CDH18: variants seen among roughly 807,000 people sequenced by gnomAD.
The protein encoded by CDH18 is cadherin-18.
A neutral mutation model predicts 67.9 loss-of-function variants in CDH18; 31 were observed. The observed-to-expected ratio is 0.46, with a 90% confidence interval of 0.34 to 0.62. The LOEUF is 0.62. CDH18 is among the 20% of genes least tolerant of loss of function. CDH18 has a pLI of 0.01. For missense variants in CDH18, 890 were observed against 975.5 expected (o/e 0.91, Z 1.17); for synonymous variants, 362 against 347.2 (o/e 1.04, Z -0.48).
intron 2 of CDH18, among the ~76,000 whole-genome samples, chr5:20,253,540 A>T (rs1037809043): frequency 6.6e-6 from 1 of 152,210 alleles, no homozygotes; most frequent in Admixed American, 6.5e-5. Context: ...GAGCTGAATG[A>T]TGTAATAACC....
Position 19,473,135 on chromosome 5 carries a change from T to C in CDH18, c.*91A>G. The C allele has an allele frequency of 6.7e-7, 1 of 1,500,020 alleles. No individual in the cohort carries two copies. The highest frequency in any genetic ancestry group is 1.3e-5 in the South Asian group (1 of 76,738). The allele number at this position is 1,500,020 out of a possible 1,614,324, so 92.9% of individuals were successfully genotyped here. A position where few individuals can be genotyped will look rare whatever the true frequency, so the allele number is the denominator to read the frequency against. On this transcript the variant is annotated 3_prime_UTR_variant, in exon 13 of 13. Transcript: ENST00000382275. ...TGTGTCCAGCTTCCTCAGTTCCAAG[T>C]ACTGTTTCCACACTTCTTCCTTGTC...
At chr5:20,303,581 T>G (rs986164629) in intron 1 of CDH18, among the ~76,000 whole-genome samples, 1 of 152,062 alleles carries the variant, frequency 6.6e-6, no homozygotes, top group Admixed American at 6.6e-5. Context: ...CCGGTTCATT[T>G]GGTAACAACA....
chr5:19,912,593 G>A (rs542443291), intron 2 of CDH18, among the ~76,000 whole-genome samples: 11 of 152,232 alleles, frequency 7.2e-5, no homozygotes, highest in South Asian at 6.2e-4. Flanking sequence ...TGAAGAAGAA[G>A]AGTTTATTTA....
intron 5 of CDH18, among the ~76,000 whole-genome samples, chr5:19,665,950 A>G (rs143166278): frequency 7.1e-4 from 108 of 152,236 alleles, no homozygotes; most frequent in African/African-American, 2.4e-3. Context: ...ATGCAGGAAG[A>G]GAAAAAGACT....
intron 3 of CDH18, among the ~76,000 whole-genome samples, chr5:19,798,219 T>A (rs975194318): frequency 2.0e-5 from 3 of 152,034 alleles, no homozygotes; most frequent in Non-Finnish European, 4.4e-5. Flanking sequence ...TGGGGGAATC[T>A]GAATAAGGTT....
chr5:20,514,787 A>C (rs1055031465), intron 1 of CDH18, among the ~76,000 whole-genome samples: 1 of 152,156 alleles, frequency 6.6e-6, no homozygotes, highest in African/African-American at 2.4e-5. Context: ...ATGTAAAAGG[A>C]AGAAAATGTC....
intron 2 of CDH18, among the ~76,000 whole-genome samples, chr5:20,121,571 A>G (rs1748356363): frequency 6.6e-6 from 1 of 152,184 alleles, no homozygotes; most frequent in Non-Finnish European, 1.5e-5. Context: ...GCAAGACACA[A>G]CCAGATGGAA....
At chr5:20,180,223 G>A (rs1310382607) in intron 2 of CDH18, among the ~76,000 whole-genome samples, 2 of 152,042 alleles carry the variant, frequency 1.3e-5, no homozygotes, top group Admixed American at 1.3e-4. Context: ...CTTGTGGAGA[G>A]CCTATGAATG....
intron 2 of CDH18, among the ~76,000 whole-genome samples, chr5:19,861,081 A>G (rs1220331445): frequency 1.3e-5 from 2 of 152,202 alleles, no homozygotes; most frequent in East Asian, 3.9e-4. Context: ...AAAGTATACT[A>G]TCTTACAGAA....
intron 1 of CDH18, among the ~76,000 whole-genome samples, chr5:20,401,480 T>C (rs544073066): frequency 2.0e-5 from 3 of 152,318 alleles, no homozygotes; most frequent in South Asian, 4.1e-4. Flanking sequence ...AATTGTTAAA[T>C]AGGTCTCTGT....
intron 1 of CDH18, among the ~76,000 whole-genome samples, chr5:20,298,859 A>G (rs1014156154): frequency 2.6e-5 from 4 of 152,186 alleles, no homozygotes; most frequent in African/African-American, 9.6e-5. Context: ...AGACTGAAGA[A>G]CTGAAGAAAA....
rs67689740 is a variant in CDH18 at position 20,300,303 on chromosome 5, C to CGTGTGTGT, written c.-579-44806_-579-44799dup. 9.3e-3 allele frequency among the ~76,000 whole-genome samples: 1,379 copies of CGTGTGTGT among 148,598 alleles called. 14 individuals are homozygous for CGTGTGTGT. Among genetic ancestry groups the CGTGTGTGT allele is most frequent in the East Asian group, 0.03 (149 of 4,966 alleles). On this transcript the variant is annotated intron_variant, in intron 1 of 14. Coordinates refer to the CDH18 transcript ENST00000507958. ...CCACATAGATTAAGTTGTGTGTGTG[C>CGTGTGTGT]GTGTGTGTGTGTGTGTGTGTGTGTG...
intron 7 of CDH18, among the ~76,000 whole-genome samples, chr5:19,575,289 G>A (rs2149956914): frequency 6.6e-6 from 1 of 152,290 alleles, no homozygotes; most frequent in Non-Finnish European, 1.5e-5. Flanking sequence ...ATGCTAATTA[G>A]CATGCATTCA....
intron 2 of CDH18, among the ~76,000 whole-genome samples, chr5:19,955,889 C>T (rs1258912257): frequency 2.6e-5 from 4 of 151,698 alleles, no homozygotes; most frequent in Admixed American, 1.3e-4. Context: ...GAAAATATAC[C>T]AATTGAAAAT....
chr5:20,178,452 T>C (rs1039492314), intron 2 of CDH18, among the ~76,000 whole-genome samples: 1 of 151,844 alleles, frequency 6.6e-6, no homozygotes, highest in Non-Finnish European at 1.5e-5. Flanking sequence ...TCCTTTCCAC[T>C]GCTAGCTAAT....
At chr5:20,168,793 G>C (rs900768004) in intron 2 of CDH18, among the ~76,000 whole-genome samples, 38 of 152,080 alleles carry the variant, frequency 2.5e-4, no homozygotes, top group African/African-American at 8.7e-4. Flanking sequence ...CAAACAAAAA[G>C]GAACACTCTT....
intron 1 of CDH18, among the ~76,000 whole-genome samples, chr5:20,465,824 TAC>T (rs1751596081): frequency 6.6e-6 from 1 of 152,048 alleles, no homozygotes; most frequent in Non-Finnish European, 1.5e-5. Context: ...TAAATTAAAA[TAC>T]AGTCATCGCA....
At chr5:20,083,833 C>T (rs998358851) in intron 2 of CDH18, among the ~76,000 whole-genome samples, 1 of 152,124 alleles carries the variant, frequency 6.6e-6, no homozygotes, top group Non-Finnish European at 1.5e-5. Context: ...TCTTATGAGA[C>T]TTATTCACTA....
intron 3 of CDH18, among the ~76,000 whole-genome samples, chr5:19,767,523 A>G (rs1429790828): frequency 6.6e-6 from 1 of 152,158 alleles, no homozygotes; most frequent in African/African-American, 2.4e-5. Flanking sequence ...TATTATTAGC[A>G]TTTGAATAAA....
Sources: allele counts gnomAD v4.1 joint callset (sites outside exome capture counted in the v4.1 genomes callset), GRCh38; gene constraint gnomAD v4.1.1; transcripts MANE v1.5; gene names NCBI Gene and HGNC (gene_info 2026-07-23, HGNC 2026-07-21).